The following PRICKLE2 variants were observed in gnomAD, a reference collection of about 807,000 sequenced individuals.
PRICKLE2 encodes the protein prickle planar cell polarity protein 2.
In PRICKLE2, 21 loss-of-function variants were observed where a neutral mutation model predicts 81.4. The observed-to-expected ratio is 0.26, with a 90% CI of 0.18 to 0.37. The LOEUF (loss-of-function observed/expected upper bound fraction) is 0.37, where lower values mean the gene tolerates loss of function less well. PRICKLE2 is among the 10% of genes least tolerant of loss of function. PRICKLE2 has a pLI of 1.00. For missense variants in PRICKLE2, 940 were observed against 1,109.0 expected (o/e 0.85, Z 2.16); for synonymous variants, 456 against 421.5 (o/e 1.08, Z -1.00).
chr3:64,139,316 TA>T (rs917234288), intron 7 of PRICKLE2, among the ~76,000 whole-genome samples: 1 of 152,078 alleles, frequency 6.6e-6, no homozygotes, highest in Non-Finnish European at 1.5e-5. Context: ...CTGGCCTGAG[TA>T]AAAAAAACAC....
At chr3:64,128,502 C>A in intron 7 of PRICKLE2, among the ~76,000 whole-genome samples, 1 of 152,216 alleles carries the variant, frequency 6.6e-6, no homozygotes, top group Non-Finnish European at 1.5e-5. Flanking sequence ...AATCCTAACA[C>A]TTTGGGAGCT....
intron 1 of PRICKLE2, among the ~76,000 whole-genome samples, chr3:64,221,671 G>C (rs2107149763): frequency 6.6e-6 from 1 of 152,220 alleles, no homozygotes; most frequent in South Asian, 2.1e-4. Flanking sequence ...AACAGAGAAA[G>C]GTTTCAGTGG....
chr3:64,147,441 G>A lies in PRICKLE2; in HGVS notation c.1049C>T (p.Pro350Leu). Residue 350 changes from proline to leucine, a missense_variant, in exon 7 of 8, where the codon CCC becomes CTC. Transcript: ENST00000638394. This position sits in a 1 kb window ranked among gnomAD's most constrained non-coding sequence, Gnocchi z 5.0. ...IGKNKGKTEE[P>L]MLNQHSQLQV... ...CAGCTGGCTGTGCTGGTTCAGCATG[G>A]GCTCCTCCGTCTTGCCCTTGTTCTT... The A allele has an allele frequency of 6.2e-7, 1 of 1,614,224 alleles. No homozygotes were observed. Among genetic ancestry groups the A allele is most frequent in the Non-Finnish European group, 8.5e-7 (1 of 1,180,048 alleles).
chr3:64,229,556 T>C (rs1160852785), upstream of PRICKLE2, among the ~76,000 whole-genome samples: 1 of 152,204 alleles, frequency 6.6e-6, no homozygotes, highest in Non-Finnish European at 1.5e-5. Context: ...AGATAAGAAC[T>C]GACATGGGTC....
intron 4 of PRICKLE2, among the ~76,000 whole-genome samples, chr3:64,159,101 CA>C (rs2077687061): frequency 6.6e-6 from 1 of 152,176 alleles, no homozygotes; most frequent in Non-Finnish European, 1.5e-5. Context: ...TCTTCTTCAC[CA>C]CACCCTGAGC....
intron 2 of PRICKLE2, among the ~76,000 whole-genome samples, chr3:64,265,808 C>T (rs2079697016): frequency 6.6e-6 from 1 of 152,150 alleles, no homozygotes. Context: ...CTAAGGATAA[C>T]AATTCTGGCT....
At chr3:64,117,977 G>A (rs2076963577) in intron 7 of PRICKLE2, among the ~76,000 whole-genome samples, 2 of 152,038 alleles carry the variant, frequency 1.3e-5, no homozygotes, top group Admixed American at 1.3e-4. Flanking sequence ...AGTAACCAAG[G>A]CAGGATGGTA....
chr3:64,123,795 A>G (rs1214267107), intron 7 of PRICKLE2, among the ~76,000 whole-genome samples: 2 of 152,194 alleles, frequency 1.3e-5, no homozygotes, highest in Non-Finnish European at 2.9e-5. Flanking sequence ...GTGTGTTCTA[A>G]CTGCTCCACT....
At chr3:64,154,955 C>T (rs2077605949) in intron 5 of PRICKLE2, 1 of 151,942 alleles carries the variant, frequency 6.6e-6, no homozygotes, top group African/African-American at 2.4e-5. Context: ...TTGAGATGAG[C>T]CTCACCAATA....
At chr3:64,141,391 G>A (rs2077359411) in intron 7 of PRICKLE2, among the ~76,000 whole-genome samples, 1 of 152,194 alleles carries the variant, frequency 6.6e-6, no homozygotes, top group African/African-American at 2.4e-5. Context: ...TTGTTGTGAG[G>A]ACTGAGTGAG....
chr3:64,112,638 CA>C (rs1257421014), intron 7 of PRICKLE2, among the ~76,000 whole-genome samples: 2 of 152,016 alleles, frequency 1.3e-5, no homozygotes, highest in African/African-American at 4.8e-5. Flanking sequence ...TTTGGGCTCT[CA>C]AAAAAAGTTA....
chr3:64,243,060 C>T (rs774554253), intron 2 of PRICKLE2, among the ~76,000 whole-genome samples: 14 of 152,146 alleles, frequency 9.2e-5, no homozygotes, highest in Non-Finnish European at 1.9e-4. Context: ...CTGTCTTATA[C>T]CAAAACCTGT....
chr3:64,232,278 C>A (rs927626907), intron 2 of PRICKLE2, among the ~76,000 whole-genome samples: 1 of 152,154 alleles, frequency 6.6e-6, no homozygotes, highest in Non-Finnish European at 1.5e-5. Flanking sequence ...TTGTGGCTCA[C>A]CATTCTATTC....
intron 5 of PRICKLE2, among the ~76,000 whole-genome samples, chr3:64,155,202 A>G (rs1022553625): frequency 2.1e-5 from 2 of 94,224 alleles, no homozygotes; most frequent in African/African-American, 5.9e-5. Flanking sequence ...AAGGTAGTCA[A>G]AAAATTTAAA....
rs529326061 is a variant in PRICKLE2, at chr3:64,232,598, C to G, written c.129-33631G>C. 3.3e-5 allele frequency among the ~76,000 whole-genome samples: 5 copies of G among 152,266 alleles called. No individual in the cohort carries two copies. The South Asian group carries it at 1.0e-3, about 32-fold the overall frequency. ...TGCTCATCTCCTTCAGAGCTTAATG[C>G]TGGAGAACCTGCGGCTAAGTCCTGG... On this transcript the variant is annotated intron_variant, in intron 2 of 8. Coordinates refer to the PRICKLE2 transcript ENST00000295902.
Position 64,099,295 on chromosome 3 carries a change from C to A in PRICKLE2, c.2291G>T (p.Arg764Leu), listed in dbSNP as rs546936479. 2.5e-6 allele frequency: 4 copies of A among 1,614,214 alleles called. No homozygotes were observed. The highest frequency in any genetic ancestry group is 2.7e-5 in the African/African-American group (2 of 75,058). ...DLALQNAFGDRWGPYFAEYDW... is the reference protein window; with the variant it reads ...DLALQNAFGDLWGPYFAEYDW... ...ATACTCGGCGAAGTAGGGTCCCCAG[C>A]GGTCCCCAAAGGCATTCTGCAAAGC... is the stretch of plus-strand genomic sequence containing the variant. The change falls in exon 8 of 8, where the codon CGC becomes CTC. Residue 764 changes from arginine to leucine, a missense_variant. This residue lies in a region of PRICKLE2 where 670 missense variants were observed against 717.2 expected (regional missense o/e 0.93). Coordinates refer to ENST00000638394, the MANE Select transcript of PRICKLE2 (RefSeq NM_198859.4). The surrounding 1 kb of genome is among the most constrained non-coding windows in gnomAD (Gnocchi z 4.3).
intron 2 of PRICKLE2, among the ~76,000 whole-genome samples, chr3:64,230,845 A>G (rs984546110): frequency 3.3e-5 from 5 of 152,204 alleles, no homozygotes; most frequent in African/African-American, 1.2e-4. Flanking sequence ...AGCATATAGT[A>G]GGTGTTAAAT....
At chr3:64,209,984 C>A (rs1166994333) in intron 1 of PRICKLE2, among the ~76,000 whole-genome samples, 1 of 152,054 alleles carries the variant, frequency 6.6e-6, no homozygotes, top group Non-Finnish European at 1.5e-5. Context: ...GCACACAGGT[C>A]CTGAGGTGGG....
chr3:64,210,923 G>T (rs1469897005), intron 1 of PRICKLE2, among the ~76,000 whole-genome samples: 1 of 152,166 alleles, frequency 6.6e-6, no homozygotes, highest in Admixed American at 6.5e-5. Flanking sequence ...GGCCTGACAG[G>T]GAACAGAAGA....
Sources: allele counts gnomAD v4.1 joint callset (sites outside exome capture counted in the v4.1 genomes callset), GRCh38; gene constraint gnomAD v4.1.1; regional missense constraint gnomAD v4.1.1; non-coding constraint Gnocchi (gnomAD v3.1); transcripts MANE v1.5; gene names NCBI Gene and HGNC (gene_info 2026-07-23, HGNC 2026-07-21).